Variants in YTHDC2 observed in about 807,000 individuals in gnomAD.
YTHDC2 encodes the protein YTH N6-methyladenosine RNA binding protein C2, also known as 3'-5' RNA helicase YTHDC2.
YTHDC2 carries 45 observed loss-of-function variants against 174.9 expected under a neutral mutation model. The ratio of observed to expected loss-of-function variants is 0.26; its 90% CI spans 0.20 to 0.33. The LOEUF is 0.33. Ranked by LOEUF, YTHDC2 falls within the 10% of genes least tolerant of loss-of-function variation. The pLI, the probability that YTHDC2 is intolerant of heterozygous loss-of-function variation, is 1.00. For synonymous variants in YTHDC2, 657 were observed against 574.5 expected, an observed-to-expected ratio of 1.14 and a Z score of -2.05; for missense variants, 1,650 against 1,723.7, an observed-to-expected ratio of 0.96 and a Z score of 0.76.
At chr5:113,568,254 T>C (rs894551040) in intron 23 of YTHDC2, among the ~76,000 whole-genome samples, 2 of 152,224 alleles carry the variant, frequency 1.3e-5, no homozygotes, top group Non-Finnish European at 2.9e-5. Flanking sequence ...CAAACTGTTA[T>C]TTTATATTTT....
chr5:113,525,892 CTT>C (rs2112551791), intron 3 of YTHDC2, among the ~76,000 whole-genome samples: 1 of 152,108 alleles, frequency 6.6e-6, no homozygotes, highest in Non-Finnish European at 1.5e-5. Context: ...TATCAAAGAA[CTT>C]TCACTTTAAA....
chr5:113,555,919 CTGTTTTAA>C, intron 16 of YTHDC2, 125 bp from the exon 17 acceptor site: 1 of 524,550 alleles, frequency 1.9e-6, no homozygotes, highest in Non-Finnish European at 3.4e-6. Flanking sequence ...ATCAGTACTG[CTGTTTTAA>C]TTATTTAATC....
At position 113,513,815 on chromosome 5, in the gene YTHDC2, C is replaced by T. The variant is rs1773182357; in HGVS notation, c.-81C>T. On this transcript the variant is annotated 5_prime_UTR_variant, in exon 1 of 30. Transcript: ENST00000161863. ...CTCCGGAGCTTCCCGGTAGTGGCCCCGGATTCCCACGGTCTTTGTCATTGG... is the reference window on the plus strand; with the variant it reads ...CTCCGGAGCTTCCCGGTAGTGGCCCTGGATTCCCACGGTCTTTGTCATTGG... 1 of 1,447,148 alleles carries T rather than the reference C, an allele frequency of 6.9e-7. No individual in the cohort carries two copies. Among genetic ancestry groups the T allele is most frequent in the Non-Finnish European group, 9.1e-7 (1 of 1,097,846 alleles). 89.6% of individuals were successfully genotyped at this position (1,447,148 alleles called of 1,614,324 possible). A position where few individuals can be genotyped will look rare whatever the true frequency, so the allele number is the denominator to read the frequency against.
chr5:113,526,547 T>C (rs767527487), intron 3 of YTHDC2, 39 bp from the exon 4 acceptor site: 2 of 1,515,712 alleles, frequency 1.3e-6, no homozygotes, highest in South Asian at 2.6e-5. Flanking sequence ...TTTTTCCGTG[T>C]TGATCATACA....
At chr5:113,550,932 T>C (rs1460636763) in intron 12 of YTHDC2, among the ~76,000 whole-genome samples, 3 of 152,066 alleles carry the variant, frequency 2.0e-5, no homozygotes, top group Admixed American at 2.0e-4. Flanking sequence ...ATATATGTTT[T>C]ATAATACATT....
intron 3 of YTHDC2, among the ~76,000 whole-genome samples, chr5:113,526,128 A>T (rs1377925331): frequency 2.0e-5 from 3 of 152,004 alleles, no homozygotes; most frequent in African/African-American, 2.4e-5. Flanking sequence ...TTTTTGTAAT[A>T]TGTTTTCGTA....
intron 4 of YTHDC2, among the ~76,000 whole-genome samples, chr5:113,527,075 A>G (rs2112557906): frequency 6.6e-6 from 1 of 152,230 alleles, no homozygotes; most frequent in South Asian, 2.1e-4. Context: ...GTATCATGGA[A>G]AGAAGATGGG....
In YTHDC2 at chr5:113,581,657, A is replaced by G. The variant is rs1778409597; in HGVS notation, c.3595A>G (p.Arg1199Gly). 6.2e-7 allele frequency: 1 copy of G among 1,612,544 alleles called. No individual in the cohort carries two copies. The highest frequency in any genetic ancestry group is 8.5e-7 in the Non-Finnish European group (1 of 1,179,548). Residue 1199 changes from arginine to glycine, a missense_variant, in exon 25 of 30, where the codon AGG becomes GGG. By Grantham distance (125) the Arg-to-Gly change is moderately radical. This residue lies in a region of YTHDC2 where 913 missense variants were observed against 940.4 expected (regional missense o/e 0.97). Coordinates refer to ENST00000161863, the MANE Select transcript of YTHDC2 (RefSeq NM_022828.5). ...CTCATCTTGGAGGTCAAATAATAGT[A>G]GGAAAAGTTCAGCAGATACTGAATT... ...LASSWRSNNS[R>G]KSSADTEFSD...
intron 9 of YTHDC2, among the ~76,000 whole-genome samples, chr5:113,541,658 G>A (rs1018883520): frequency 6.6e-6 from 1 of 151,966 alleles, no homozygotes; most frequent in Non-Finnish European, 1.5e-5. Context: ...TTCTACTAGT[G>A]TTTAAAGTTG....
chr5:113,516,261 T>C (rs1773417785), intron 2 of YTHDC2, among the ~76,000 whole-genome samples: 1 of 152,232 alleles, frequency 6.6e-6, no homozygotes, highest in African/African-American at 2.4e-5. Context: ...TAATAAGCTT[T>C]AGAGCATATG....
Position 113,542,468 on chromosome 5 carries a change from A to G in YTHDC2, c.1460A>G (p.Gln487Arg). The change falls in exon 10 of 30, where the codon CAG becomes CGG. Residue 487 changes from glutamine (Q) to arginine (R), a missense_variant. Around this residue, in one of 5 missense-constraint regions of YTHDC2, gnomAD observed 411 missense variants for 380.6 expected, o/e 1.08. Coordinates refer to ENST00000161863, the MANE Select transcript of YTHDC2 (RefSeq NM_022828.5). ...CATAAAGATATTGATGCCTTTGCTC[A>G]GGTCTTTCATCTCATTTTAACTGAA... ...WLHKDIDAFAQVFHLILTENV... is the reference protein window; with the variant it reads ...WLHKDIDAFARVFHLILTENV... 6.2e-7 allele frequency: 1 copy of G among 1,609,014 alleles called. No homozygotes were observed.
intron 2 of YTHDC2, among the ~76,000 whole-genome samples, 192 bp downstream of exon 2, chr5:113,515,554 C>G (rs931080904): frequency 4.6e-5 from 7 of 152,144 alleles, no homozygotes; most frequent in Non-Finnish European, 7.3e-5. Flanking sequence ...CCTCTTCCCC[C>G]CTTTTTTGTT....
chr5:113,592,247 T>A, intron 28 of YTHDC2, 69 bp downstream of exon 28: 1 of 1,424,046 alleles, frequency 7.0e-7, no homozygotes. Flanking sequence ...AGTGCTTTAA[T>A]TGAGGAGAAA....
chr5:113,567,889 T>C (rs754097447), intron 23 of YTHDC2, 40 bp downstream of exon 23: 2 of 670,506 alleles, frequency 3.0e-6, no homozygotes, highest in South Asian at 4.4e-5. Flanking sequence ...TTGAAATGAA[T>C]TTTTTTTTTT....
At chr5:113,565,049 A>G (rs1024313317) in intron 20 of YTHDC2, among the ~76,000 whole-genome samples, 8 of 152,132 alleles carry the variant, frequency 5.3e-5, no homozygotes, top group African/African-American at 9.7e-5. Context: ...TCTGACCTCA[A>G]GTGATCTGCC....
intron 6 of YTHDC2, 49 bp from the exon 7 acceptor site, chr5:113,535,593 C>T (rs772486544): frequency 3.0e-5 from 45 of 1,478,958 alleles, no homozygotes; most frequent in Non-Finnish European, 4.0e-5. Context: ...AAGACTTAGT[C>T]ATCAATAATG....
At chr5:113,575,469 G>A (rs564144933) in intron 23 of YTHDC2, among the ~76,000 whole-genome samples, 1 of 152,266 alleles carries the variant, frequency 6.6e-6, no homozygotes, top group South Asian at 2.1e-4. Flanking sequence ...GCCTAGACAC[G>A]TTTTTCTGAG....
rs1491059000 is a variant in YTHDC2, at chr5:113,567,426, ATC to A, written c.3048+130_3048+131del. The A allele has an allele frequency of 4.0e-5, 15 of 375,574 alleles. 1 individual carries two copies. Among genetic ancestry groups the A allele is most frequent in the African/African-American group, 1.8e-4 (7 of 38,122 alleles). 23.3% of individuals were successfully genotyped at this position (375,574 alleles called of 1,614,324 possible). On this transcript the variant is annotated intron_variant, in intron 22 of 29. Coordinates refer to ENST00000161863, the MANE Select transcript of YTHDC2 (RefSeq NM_022828.5). The stretch of plus-strand genomic sequence containing the variant: ...TAGTTATATATATATATATATATAT[ATC>A]ATTAAATATTGGAACAAAACTTATA...
intron 2 of YTHDC2, 75 bp downstream of exon 2, chr5:113,515,437 A>G (rs1773349206): frequency 2.5e-6 from 3 of 1,179,466 alleles, no homozygotes; most frequent in Non-Finnish European, 3.7e-6. Flanking sequence ...TTCTGAGTAC[A>G]TTTAAGTACT....
Sources: gnomAD v4.1 joint callset for allele counts (sites outside exome capture counted in the v4.1 genomes callset) on GRCh38, gnomAD v4.1.1 for gene constraint, gnomAD v4.1.1 regional missense constraint, MANE v1.5 for transcripts, NCBI Gene and HGNC (gene_info 2026-07-23, HGNC 2026-07-21) for gene names.